The following C16orf74 variants were observed in gnomAD, a reference collection of about 807,000 sequenced individuals.
C16orf74 encodes calcimembrin.
A neutral mutation model predicts 6.5 loss-of-function variants in C16orf74; 10 were observed. The ratio of observed to expected loss-of-function variants is 1.54; its 90% confidence interval spans 0.95 to 2.61. The LOEUF is 2.61. C16orf74 is among the 30% of genes most tolerant of loss of function. C16orf74 has a pLI of 0.00. For synonymous variants in C16orf74, 60 were observed against 42.5 expected (o/e 1.41, Z -1.60); for missense variants, 141 against 105.9 (o/e 1.33, Z -1.45).
At chr16:85,730,523 G>A (rs915866827) in intron 2 of C16orf74, among the ~76,000 whole-genome samples, 12 of 121,182 alleles carry the variant, frequency 9.9e-5, no homozygotes, top group African/African-American at 3.7e-4. Context: ...CACATCAGCC[G>A]AGGGAACCCC....
intron 2 of C16orf74, among the ~76,000 whole-genome samples, chr16:85,725,635 GC>G (rs916623691): frequency 6.6e-6 from 1 of 152,148 alleles, no homozygotes; most frequent in Non-Finnish European, 1.5e-5. Context: ...AGGCTGGAGT[GC>G]AGTGGTTTTG....
At chr16:85,733,781 G>A (rs74391206) in intron 2 of C16orf74, among the ~76,000 whole-genome samples, 28,150 of 152,086 alleles carry the variant, frequency 0.19, 3,259 homozygotes, top group Middle Eastern at 0.33. Context: ...AGGAAGCCAG[G>A]TCCTGGAGAG....
chr16:85,731,331 C>T (rs1384485185), intron 2 of C16orf74, among the ~76,000 whole-genome samples: 1 of 152,270 alleles, frequency 6.6e-6, no homozygotes, highest in African/African-American at 2.4e-5. Context: ...CCCTGTGCAG[C>T]TGCAGAGGTC....
In C16orf74 at chr16:85,708,936, G is replaced by C. The variant is rs373245332; in HGVS notation, c.173-870C>G. On this transcript the variant is annotated intron_variant, in intron 3 of 3. Transcript: ENST00000284245. ...GGCTGTCAGCTAACTGATGCCACTT[G>C]CGGGGAGGACATCCGGCCTGGGGGC... 5.3e-5 allele frequency among the ~76,000 whole-genome samples: 8 copies of C among 152,266 alleles called. 1 individual carries two copies. Among genetic ancestry groups the C allele is most frequent in the African/African-American group, 1.9e-4 (8 of 41,478 alleles).
At chr16:85,727,323 A>C (rs439406) in intron 2 of C16orf74, among the ~76,000 whole-genome samples, 60,642 of 151,778 alleles carry the variant, frequency 0.4, 12,775 homozygotes, top group African/African-American at 0.53. Flanking sequence ...CCACCAATCA[A>C]CCCCAGGCTG....
chr16:85,726,638 C>A (rs552758694), intron 2 of C16orf74, among the ~76,000 whole-genome samples: 1 of 152,262 alleles, frequency 6.6e-6, no homozygotes, highest in South Asian at 2.1e-4. Context: ...GGACTGGATT[C>A]CACCATGTGA....
intron 2 of C16orf74, among the ~76,000 whole-genome samples, chr16:85,724,394 T>C (rs964563407): frequency 1.3e-5 from 2 of 152,226 alleles, no homozygotes; most frequent in African/African-American, 4.8e-5. Flanking sequence ...GTCTGGACTC[T>C]GGACTTGCTG....
At chr16:85,742,627 C>T (rs552578960) in intron 1 of C16orf74, among the ~76,000 whole-genome samples, 7 of 152,232 alleles carry the variant, frequency 4.6e-5, no homozygotes, top group East Asian at 3.9e-4. Flanking sequence ...CTGCAACCTC[C>T]GCCTCCTGGG....
intron 1 of C16orf74, among the ~76,000 whole-genome samples, chr16:85,749,966 G>A (rs1003901887): frequency 2.1e-4 from 32 of 152,198 alleles, no homozygotes; most frequent in Non-Finnish European, 3.8e-4. Flanking sequence ...AACCCAAGGA[G>A]GGCGTGGCCT....
chr16:85,709,136 C>G (rs1316959616), intron 3 of C16orf74, among the ~76,000 whole-genome samples: 3 of 152,194 alleles, frequency 2.0e-5, no homozygotes, highest in Non-Finnish European at 4.4e-5. Flanking sequence ...GGGCAGATCA[C>G]CTGAGGTCAG....
chr16:85,722,605 C>A (rs1019020327), intron 2 of C16orf74, among the ~76,000 whole-genome samples: 1 of 151,760 alleles, frequency 6.6e-6, no homozygotes, highest in Non-Finnish European at 1.5e-5. Context: ...GGCCCCAGGA[C>A]TGCCTTGCTC....
At chr16:85,748,937 TTTTTTTTTTTA>T (rs2054404501) in intron 1 of C16orf74, among the ~76,000 whole-genome samples, 1 of 11,170 alleles carries the variant, frequency 9.0e-5, no homozygotes, top group Non-Finnish European at 2.0e-4. Context: ...TTTTTTTTTT[TTTTTTTTTTTA>T]TTTTATTTTT....
chr16:85,733,420 G>A (rs2054211547), intron 2 of C16orf74, among the ~76,000 whole-genome samples: 1 of 152,158 alleles, frequency 6.6e-6, no homozygotes, highest in Non-Finnish European at 1.5e-5. Context: ...AGTGTTTAAC[G>A]GGGACAGAGT....
chr16:85,717,073 G>C (rs1218162907), intron 2 of C16orf74, among the ~76,000 whole-genome samples: 1 of 152,182 alleles, frequency 6.6e-6, no homozygotes, highest in Non-Finnish European at 1.5e-5. Flanking sequence ...TTCGTGCTCC[G>C]GGTCACCAGG....
At chr16:85,738,621 G>A (rs1239480255) in intron 1 of C16orf74, among the ~76,000 whole-genome samples, 5 of 151,830 alleles carry the variant, frequency 3.3e-5, no homozygotes, top group Admixed American at 6.6e-5. Context: ...GTGAGCCACC[G>A]CGCCGGGCCC....
chr16:85,748,146 G>GTA (rs1203599366), intron 1 of C16orf74, among the ~76,000 whole-genome samples: 24 of 71,498 alleles, frequency 3.4e-4, no homozygotes, highest in East Asian at 1.2e-3. Context: ...ATATGTGTGT[G>GTA]TATATATATA....
intron 2 of C16orf74, among the ~76,000 whole-genome samples, chr16:85,733,080 G>T (rs2054207244): frequency 6.6e-6 from 1 of 152,204 alleles, no homozygotes; most frequent in Admixed American, 6.5e-5. Flanking sequence ...AGTGGTCCCA[G>T]AGATACCTCC....
At chr16:85,719,966 A>T (rs533772789) in intron 2 of C16orf74, among the ~76,000 whole-genome samples, 60 of 152,310 alleles carry the variant, frequency 3.9e-4, no homozygotes, top group African/African-American at 1.4e-3. Flanking sequence ...CTAATCCCTC[A>T]GAGATGACCG....
At position 85,710,152 on chromosome 16, in the gene C16orf74, G is replaced by A. The variant is rs1295544094; in HGVS notation, c.172+12C>T. The A allele has an allele frequency of 7.1e-7, 1 of 1,416,042 alleles. No homozygotes were observed. The highest frequency in any genetic ancestry group is 3.6e-5 in the Admixed American group (1 of 28,126). 87.7% of individuals were successfully genotyped at this position (1,416,042 alleles called of 1,614,324 possible). On this transcript the variant is annotated intron_variant, in intron 3 of 3. Coordinates refer to ENST00000284245, the MANE Select transcript of C16orf74 (RefSeq NM_206967.3). ...AGCCGACCCGGCTTGGCGGTGGAGG[G>A]GACGGCCTCACCTGTGCTCCCCAAG... is the stretch of plus-strand genomic sequence containing the variant.
Sources: allele counts gnomAD v4.1 joint callset (sites outside exome capture counted in the v4.1 genomes callset), GRCh38; gene constraint gnomAD v4.1.1; transcripts MANE v1.5; gene names NCBI Gene and HGNC (gene_info 2026-07-23, HGNC 2026-07-21).